The following SYNPR variants were observed in gnomAD, a reference collection of about 807,000 sequenced individuals.
SYNPR encodes the protein synaptoporin.
In SYNPR, 23 loss-of-function variants were observed where a neutral mutation model predicts 32.9. The ratio of observed to expected loss-of-function variants is 0.70; its 90% CI spans 0.50 to 0.99. The LOEUF (loss-of-function observed/expected upper bound fraction) is 0.99. Ranked by LOEUF, SYNPR falls within the 50% of genes least tolerant of loss-of-function variation. The pLI, the probability that SYNPR is intolerant of heterozygous loss-of-function variation, is 0.00. For synonymous variants in SYNPR, 146 were observed against 135.9 expected (o/e 1.07, Z -0.52); for missense variants, 318 against 349.3 (o/e 0.91, Z 0.71).
At position 63,585,040 on chromosome 3, in the gene SYNPR, T is replaced by G. The variant is rs1703159020; in HGVS notation, c.409-24085T>G. Among the ~76,000 whole-genome samples, 3 of 152,096 alleles carry G rather than the reference T, an allele frequency of 2.0e-5. No homozygotes were observed. The South Asian group carries it at 6.2e-4, about 31-fold the overall frequency. ...CTTCTCTAGGACACATCTTGCTTCT[T>G]AAAATGTTCAGGCCTGCCATTATCT... On this transcript the variant is annotated intron_variant, in intron 4 of 5. Transcript: ENST00000478300.
intron 2 of SYNPR, among the ~76,000 whole-genome samples, chr3:63,369,767 G>A (rs1167534950): frequency 6.6e-6 from 1 of 151,988 alleles, no homozygotes; most frequent in Non-Finnish European, 1.5e-5. Context: ...ATTGTAATTG[G>A]GACAACAATC....
At chr3:63,319,828 C>T (rs1202855898) in intron 2 of SYNPR, among the ~76,000 whole-genome samples, 1 of 151,948 alleles carries the variant, frequency 6.6e-6, no homozygotes, top group Non-Finnish European at 1.5e-5. Flanking sequence ...TTAGAAAGTA[C>T]TATATCATGT....
At chr3:63,345,592 C>G (rs2087426911) in intron 2 of SYNPR, among the ~76,000 whole-genome samples, 1 of 152,106 alleles carries the variant, frequency 6.6e-6, no homozygotes, top group African/African-American at 2.4e-5. Context: ...TGGGACCTCA[C>G]TTTCTCCCTC....
chr3:63,466,408 T>A (rs1700679746), intron 2 of SYNPR, among the ~76,000 whole-genome samples: 1 of 152,086 alleles, frequency 6.6e-6, no homozygotes, highest in Admixed American at 6.5e-5. Context: ...CTATATTCCC[T>A]ATAAATTTAC....
intron 1 of SYNPR, among the ~76,000 whole-genome samples, chr3:63,233,527 A>G (rs1425253643): frequency 1.3e-5 from 2 of 152,184 alleles, no homozygotes; most frequent in African/African-American, 4.8e-5. Context: ...ACTAAATTCC[A>G]TGTGGAACTC....
At chr3:63,231,148 A>G (rs1454142945) in intron 1 of SYNPR, among the ~76,000 whole-genome samples, 1 of 152,228 alleles carries the variant, frequency 6.6e-6, no homozygotes, top group Non-Finnish European at 1.5e-5. Flanking sequence ...TATGTATACC[A>G]TGGAATAGTA....
rs1471278008 is a variant in SYNPR at position 63,612,257 on chromosome 3, A to C, written c.600+2941A>C. 2.0e-5 allele frequency among the ~76,000 whole-genome samples: 3 copies of C among 152,352 alleles called. No individual in the cohort carries two copies. The East Asian group carries it at 5.8e-4, about 29-fold the overall frequency. On this transcript the variant is annotated intron_variant, in intron 5 of 5. Transcript: ENST00000478300. Reference sequence around the variant, plus strand: ...AAATACTTAGCATCATGCCCAGCTTATGGCAAATGGTCAATACATGTCAAC... The same window carrying C: ...AAATACTTAGCATCATGCCCAGCTTCTGGCAAATGGTCAATACATGTCAAC...
intron 2 of SYNPR, among the ~76,000 whole-genome samples, chr3:63,287,324 C>T (rs9847521): frequency 0.45 from 68,965 of 151,756 alleles, 15,813 homozygotes; most frequent in Middle Eastern, 0.52. Context: ...CAGAATGCTC[C>T]CTCTCCCTTT....
At chr3:63,478,938 C>G (rs1223086164) in intron 2 of SYNPR, among the ~76,000 whole-genome samples, 2 of 152,170 alleles carry the variant, frequency 1.3e-5, no homozygotes, top group African/African-American at 4.8e-5. Context: ...CTCTTTATTT[C>G]TATTAATACT....
At chr3:63,363,417 C>T (rs2087688097) in intron 2 of SYNPR, among the ~76,000 whole-genome samples, 1 of 152,184 alleles carries the variant, frequency 6.6e-6, no homozygotes, top group Admixed American at 6.5e-5. Context: ...AGAATTGTCT[C>T]TGAGAGCTTC....
chr3:63,514,203 T>A (rs1246967895), intron 3 of SYNPR, among the ~76,000 whole-genome samples: 1 of 152,198 alleles, frequency 6.6e-6, no homozygotes, highest in Admixed American at 6.5e-5. Context: ...GCCTTTTACA[T>A]GTGCAAGTCA....
intron 2 of SYNPR, among the ~76,000 whole-genome samples, chr3:63,257,396 A>G (rs2086394529): frequency 6.6e-6 from 1 of 152,238 alleles, no homozygotes; most frequent in African/African-American, 2.4e-5. Context: ...AAGCCAGACG[A>G]AAGAGGAGGC....
chr3:63,520,419 A>G (rs978404039), intron 3 of SYNPR, among the ~76,000 whole-genome samples: 3 of 152,168 alleles, frequency 2.0e-5, no homozygotes, highest in Non-Finnish European at 4.4e-5. Flanking sequence ...TCACGCCTGT[A>G]ATCCCAGCAC....
At chr3:63,211,431 G>C in the SYNPR span, among the ~76,000 whole-genome samples, 2 of 152,150 alleles carry the variant, frequency 1.3e-5, no homozygotes, top group Non-Finnish European at 2.9e-5. Flanking sequence ...CAAGAGCAAG[G>C]AGATTCAAGT....
intron 2 of SYNPR, among the ~76,000 whole-genome samples, chr3:63,262,055 A>G (rs1044601966): frequency 9.9e-5 from 15 of 151,836 alleles, no homozygotes; most frequent in East Asian, 5.8e-4. Context: ...CATGACTTCT[A>G]TTAGGGATTT....
chr3:63,294,288 G>A (rs1197040741), intron 2 of SYNPR, among the ~76,000 whole-genome samples: 1 of 152,052 alleles, frequency 6.6e-6, no homozygotes, highest in African/African-American at 2.4e-5. Context: ...GTATTTAGAA[G>A]AATTACCAAA....
intron 1 of SYNPR, among the ~76,000 whole-genome samples, chr3:63,234,555 C>T (rs1165817492): frequency 1.3e-5 from 2 of 152,170 alleles, no homozygotes; most frequent in African/African-American, 4.8e-5. Flanking sequence ...GGTTAATTCT[C>T]CCCAGTTTAG....
chr3:63,278,672 C>T lies in SYNPR; in HGVS notation c.19-5C>T, dbSNP rs1031078471. 1 of 1,551,582 alleles carries T rather than the reference C, an allele frequency of 6.4e-7. No individual in the cohort carries two copies. The highest frequency in any genetic ancestry group is 1.4e-5 in the African/African-American group (1 of 73,056). On this transcript the variant is annotated splice_polypyrimidine_tract_variant and splice_region_variant and intron_variant, in intron 1 of 5. Transcript: ENST00000478300. Reference sequence around the variant, plus strand: ...CTTTCTCTCTCTCGCCTCATTCCCCCAAAGCTGGCCTCTGCGGGCACCTTC... The same window carrying T: ...CTTTCTCTCTCTCGCCTCATTCCCCTAAAGCTGGCCTCTGCGGGCACCTTC...
chr3:63,295,760 A>G (rs764699564), intron 2 of SYNPR, among the ~76,000 whole-genome samples: 19 of 152,244 alleles, frequency 1.2e-4, no homozygotes, highest in Non-Finnish European at 2.4e-4. Context: ...TCGAAACCAC[A>G]GTTGCCTAGG....
Sources: gnomAD v4.1 joint callset for allele counts (sites outside exome capture counted in the v4.1 genomes callset) on GRCh38, gnomAD v4.1.1 for gene constraint, MANE v1.5 for transcripts, NCBI Gene and HGNC (gene_info 2026-07-23, HGNC 2026-07-21) for gene names.